The following MAMDC2 variants were observed in gnomAD, a reference collection of about 807,000 sequenced individuals.
The protein encoded by MAMDC2 is MAM domain-containing protein 2.
MAMDC2 carries 57 observed loss-of-function variants against 89.8 expected under a neutral mutation model. The observed-to-expected ratio is 0.63, with a 90% CI of 0.51 to 0.79. MAMDC2 has a LOEUF of 0.79. MAMDC2 is among the 30% of genes least tolerant of loss of function. The pLI is 0.00. For synonymous variants in MAMDC2, 313 were observed against 293.4 expected, an observed-to-expected ratio of 1.07 and a Z score of -0.68; for missense variants, 800 against 820.6, an observed-to-expected ratio of 0.97 and a Z score of 0.31.
At chr9:70,158,995 C>T (rs1284900587) in intron 9 of MAMDC2, among the ~76,000 whole-genome samples, 11 of 151,732 alleles carry the variant, frequency 7.2e-5, no homozygotes, top group Admixed American at 6.6e-4. Context: ...TGTCATTATG[C>T]AGTGTATGAC....
At chr9:70,219,083 G>T (rs566320992) in intron 12 of MAMDC2, among the ~76,000 whole-genome samples, 1 of 152,192 alleles carries the variant, frequency 6.6e-6, no homozygotes, top group South Asian at 2.1e-4. Context: ...TGATGCAAAA[G>T]AAACTGAGAG....
At chr9:70,088,087 C>A (rs144906303) in intron 2 of MAMDC2, among the ~76,000 whole-genome samples, 3 of 152,096 alleles carry the variant, frequency 2.0e-5, no homozygotes, top group Admixed American at 2.0e-4. Context: ...ACAACTTTTA[C>A]AGAAGTCTCT....
intron 2 of MAMDC2, chr9:70,085,751 T>C (rs1827756273): frequency 6.6e-6 from 1 of 152,088 alleles, no homozygotes; most frequent in African/African-American, 2.4e-5. Context: ...TTTGTGTATC[T>C]ATGGTACATG....
rs577547454 is a variant in MAMDC2, at chr9:70,217,374, A to G, written c.1652-963A>G. ...CTGTCCTCCACAGAAGGAAGCACAAAAAGGGAGAGTCGGAAGAAATTCAAA... is the reference window on the plus strand; with the variant it reads ...CTGTCCTCCACAGAAGGAAGCACAAGAAGGGAGAGTCGGAAGAAATTCAAA... On this transcript the variant is annotated intron_variant, in intron 11 of 13. Coordinates refer to ENST00000377182, the MANE Select transcript of MAMDC2 (RefSeq NM_153267.5). 5.2e-5 allele frequency: 70 copies of G among 1,342,300 alleles called. 1 individual carries two copies. In the African/African-American group the frequency reaches 8.5e-4, roughly 16 times the overall value. The allele number at this position is 1,342,300 out of a possible 1,614,324, so 83.1% of individuals were successfully genotyped here.
chr9:70,217,653 T>C lies in MAMDC2; in HGVS notation c.1652-684T>C, dbSNP rs891126217. ...CTGTGAAAGTTTCAGCTCCCCAAGT[T>C]GGTGGAAAACGCTAAACTGGCAGAT... is the stretch of plus-strand genomic sequence containing the variant. On this transcript the variant is annotated intron_variant, in intron 11 of 13. Coordinates refer to ENST00000377182, the MANE Select transcript of MAMDC2 (RefSeq NM_153267.5). 3.1e-6 allele frequency: 5 copies of C among 1,606,030 alleles called. No homozygotes were observed. The African/African-American group carries it at 4.0e-5, about 13-fold the overall frequency.
At chr9:70,088,573 A>G (rs998503052) in intron 2 of MAMDC2, 1 of 151,786 alleles carries the variant, frequency 6.6e-6, no homozygotes, top group African/African-American at 2.4e-5. Flanking sequence ...GTAGGCATAC[A>G]ATGGTGGTTC....
intron 9 of MAMDC2, among the ~76,000 whole-genome samples, chr9:70,164,917 G>C (rs946497740): frequency 1.2e-4 from 18 of 150,744 alleles, no homozygotes; most frequent in Non-Finnish European, 2.7e-4. Flanking sequence ...TGGGATTATA[G>C]ATGTGAGCCT....
upstream of MAMDC2, chr9:70,043,632 GAGA>G (rs1295039919): frequency 2.6e-5 from 4 of 155,322 alleles, no homozygotes; most frequent in Non-Finnish European, 5.7e-5. Context: ...TCATTCTGGG[GAGA>G]AGAAGTTAAA....
At chr9:70,194,639 T>G (rs1161992515) in intron 11 of MAMDC2, 1 of 152,164 alleles carries the variant, frequency 6.6e-6, no homozygotes, top group Non-Finnish European at 1.5e-5. Context: ...TCACATCTGC[T>G]AATCTCATAG....
chr9:70,143,452 C>G, intron 8 of MAMDC2, 102 bp from the exon 9 acceptor site: 1 of 1,291,848 alleles, frequency 7.7e-7, no homozygotes, highest in Admixed American at 2.1e-5. Context: ...TAAAGCATAG[C>G]TGATAGTCTT....
At chr9:70,133,513 T>G (rs1927114) in intron 7 of MAMDC2, among the ~76,000 whole-genome samples, 140,537 of 152,186 alleles carry the variant, frequency 0.92, 64,967 homozygotes, top group East Asian at 1. Context: ...GTTAACCAAG[T>G]CTCCATACTG....
intron 11 of MAMDC2, among the ~76,000 whole-genome samples, chr9:70,198,819 A>T (rs951952147): frequency 6.6e-6 from 1 of 152,162 alleles, no homozygotes; most frequent in Non-Finnish European, 1.5e-5. Flanking sequence ...TATTAATAAC[A>T]CAATAAAATA....
intron 4 of MAMDC2, among the ~76,000 whole-genome samples, chr9:70,111,406 A>G (rs1361551872): frequency 1.3e-5 from 2 of 152,190 alleles, no homozygotes; most frequent in Admixed American, 1.3e-4. Flanking sequence ...AAACTCTATG[A>G]TCACACTCTG....
intron 2 of MAMDC2, among the ~76,000 whole-genome samples, chr9:70,045,487 C>G (rs543973741): frequency 2.6e-5 from 4 of 152,134 alleles, no homozygotes; most frequent in Non-Finnish European, 5.9e-5. Flanking sequence ...ACCAGTGAAG[C>G]CTGATGCCCA....
At chr9:70,098,775 G>A (rs1828089464) in intron 2 of MAMDC2, among the ~76,000 whole-genome samples, 2 of 152,156 alleles carry the variant, frequency 1.3e-5, no homozygotes, top group Non-Finnish European at 2.9e-5. Context: ...CCTCAGCTTG[G>A]TTTACTAGCT....
In MAMDC2 at chr9:70,174,256, T is replaced by A. The variant is rs576270022; in HGVS notation, c.1651+3625T>A. On this transcript the variant is annotated intron_variant, in intron 11 of 13. Transcript: ENST00000377182. Reference sequence around the variant, plus strand: ...TGCCAGGTACTGTTTTAGGTACTCATGAAACACAGATGAACAAAACAGACA... The same window carrying A: ...TGCCAGGTACTGTTTTAGGTACTCAAGAAACACAGATGAACAAAACAGACA... 3.9e-5 allele frequency among the ~76,000 whole-genome samples: 6 copies of A among 152,292 alleles called. No individual in the cohort carries two copies. In the East Asian group the frequency reaches 9.7e-4, roughly 24 times the overall value.
chr9:70,046,245 G>T (rs1456997674), intron 2 of MAMDC2, among the ~76,000 whole-genome samples: 2 of 152,250 alleles, frequency 1.3e-5, no homozygotes, highest in Non-Finnish European at 2.9e-5. Flanking sequence ...TGATGCTGAT[G>T]ATGCTGGTCT....
In MAMDC2 at chr9:70,204,748, T is replaced by C. The variant is rs532603759; in HGVS notation, c.1652-13589T>C. ...GACCCTCCGAGCCAGGTGTGGGATATAGTCTCGTGGTGCGCCGTTTTTTAA... is the reference window on the plus strand; with the variant it reads ...GACCCTCCGAGCCAGGTGTGGGATACAGTCTCGTGGTGCGCCGTTTTTTAA... On this transcript the variant is annotated intron_variant, in intron 11 of 13. Coordinates refer to ENST00000377182, the MANE Select transcript of MAMDC2 (RefSeq NM_153267.5). 7.9e-3 allele frequency among the ~76,000 whole-genome samples: 1,203 copies of C among 152,180 alleles called. 6 individuals are homozygous for C. Among genetic ancestry groups the C allele is most frequent in the Admixed American group, 0.015 (228 of 15,276 alleles).
chr9:70,066,560 T>C (rs1370166873), intron 2 of MAMDC2, among the ~76,000 whole-genome samples: 1 of 152,090 alleles, frequency 6.6e-6, no homozygotes, highest in East Asian at 1.9e-4. Flanking sequence ...CAAGAGATCA[T>C]AGTGGCTTAG....
Sources: gnomAD v4.1 joint callset for allele counts (sites outside exome capture counted in the v4.1 genomes callset) on GRCh38, gnomAD v4.1.1 for gene constraint, MANE v1.5 for transcripts, NCBI Gene and HGNC (gene_info 2026-07-23, HGNC 2026-07-21) for gene names.